Variants in SGCD observed in about 807,000 individuals in gnomAD.
SGCD encodes sarcoglycan delta.
SGCD carries 18 observed loss-of-function variants against 36.6 expected under a neutral mutation model. The ratio of observed to expected loss-of-function variants is 0.49; its 90% CI spans 0.34 to 0.73. The LOEUF (loss-of-function observed/expected upper bound fraction) is 0.73, where lower values mean the gene tolerates loss of function less well. SGCD is among the 30% of genes least tolerant of loss of function. The pLI, the probability that SGCD is intolerant of heterozygous loss-of-function variation, is 0.01. For missense variants in SGCD, 387 were observed against 346.7 expected, an observed-to-expected ratio of 1.12 and a Z score of -0.92; for synonymous variants, 133 against 130.6, an observed-to-expected ratio of 1.02 and a Z score of -0.12.
chr5:155,786,883 A>G, the SGCD span, among the ~76,000 whole-genome samples: 2 of 152,208 alleles, frequency 1.3e-5, no homozygotes, highest in African/African-American at 4.8e-5. Context: ...ATAGGCTTAA[A>G]GACAAAACCT....
chr5:155,832,824 G>A, the SGCD span, among the ~76,000 whole-genome samples: 2 of 151,976 alleles, frequency 1.3e-5, no homozygotes, highest in African/African-American at 4.8e-5. Context: ...TAATAAGTAA[G>A]TTTCATGGTA....
chr5:155,933,744 T>C (rs1467692908), intron 1 of SGCD, among the ~76,000 whole-genome samples: 1 of 152,228 alleles, frequency 6.6e-6, no homozygotes, highest in Admixed American at 6.5e-5. Context: ...TTTGTGAGGA[T>C]TAAAATGGCA....
intron 3 of SGCD, among the ~76,000 whole-genome samples, chr5:156,140,821 A>G (rs1291691256): frequency 6.6e-6 from 1 of 152,222 alleles, no homozygotes; most frequent in Non-Finnish European, 1.5e-5. Flanking sequence ...GAAGATTAGT[A>G]TGGATAGAAG....
At chr5:155,890,810 A>G (rs906030684) in intron 1 of SGCD, among the ~76,000 whole-genome samples, 31 of 152,178 alleles carry the variant, frequency 2.0e-4, no homozygotes, top group Middle Eastern at 3.4e-3. Context: ...ACCCCCACCT[A>G]CGTTTTCCCG....
the SGCD span, among the ~76,000 whole-genome samples, chr5:155,830,787 C>A: frequency 6.6e-6 from 1 of 152,194 alleles, no homozygotes; most frequent in East Asian, 1.9e-4. Context: ...ATAGAGATTT[C>A]TTCTGGGGGC....
the SGCD span, among the ~76,000 whole-genome samples, chr5:155,808,500 T>C: frequency 6.6e-6 from 1 of 152,238 alleles, no homozygotes; most frequent in African/African-American, 2.4e-5. Flanking sequence ...TCTTATGGGA[T>C]ACATAGTAAC....
intron 1 of SGCD, among the ~76,000 whole-genome samples, chr5:155,935,040 G>A (rs1757168312): frequency 6.6e-6 from 1 of 152,138 alleles, no homozygotes; most frequent in Admixed American, 6.5e-5. Context: ...GATGTCCTCA[G>A]CACATCATTT....
intron 6 of SGCD, among the ~76,000 whole-genome samples, chr5:156,610,837 A>G (rs57210770): frequency 0.053 from 8,032 of 152,308 alleles, 709 homozygotes; most frequent in African/African-American, 0.18. Context: ...AGGACCCTCC[A>G]GGCCAGGCGC....
chr5:156,004,258 G>A (rs1758715488), intron 1 of SGCD, among the ~76,000 whole-genome samples: 1 of 151,934 alleles, frequency 6.6e-6, no homozygotes, highest in African/African-American at 2.4e-5. Context: ...TGTTTGGGGG[G>A]GATAAGTATT....
At chr5:156,523,516 A>G (rs1201197141) in intron 4 of SGCD, among the ~76,000 whole-genome samples, 1 of 152,212 alleles carries the variant, frequency 6.6e-6, no homozygotes, top group Admixed American at 6.5e-5. Context: ...AAGTCAGCTT[A>G]TGACAGAAGT....
chr5:156,508,776 C>T (rs908734259), intron 4 of SGCD, 74 bp downstream of exon 4: 7 of 842,710 alleles, frequency 8.3e-6, no homozygotes, highest in African/African-American at 1.7e-5. Context: ...ATCTTGCTAT[C>T]AGCTGAGTAC....
intron 2 of SGCD, among the ~76,000 whole-genome samples, chr5:156,331,902 C>A (rs190041049): frequency 1.9e-4 from 29 of 152,314 alleles, no homozygotes; most frequent in African/African-American, 6.7e-4. Flanking sequence ...TCATTCCTAT[C>A]GTTACCTATG....
chr5:156,598,981 G>C (rs918215116), intron 6 of SGCD, among the ~76,000 whole-genome samples: 1 of 152,168 alleles, frequency 6.6e-6, no homozygotes, highest in Non-Finnish European at 1.5e-5. Context: ...AGGAACATTT[G>C]CTTTTTTATG....
intron 1 of SGCD, among the ~76,000 whole-genome samples, chr5:156,088,896 G>A (rs1338753712): frequency 1.3e-5 from 2 of 152,092 alleles, no homozygotes; most frequent in Non-Finnish European, 2.9e-5. Context: ...TTTCAGAGTG[G>A]TGGACCCATG....
chr5:156,185,154 C>T (rs1262767596), intron 3 of SGCD, among the ~76,000 whole-genome samples: 2 of 151,498 alleles, frequency 1.3e-5, no homozygotes, highest in Non-Finnish European at 2.9e-5. Context: ...TGGTGATGGT[C>T]AGGCAGTAAA....
intron 3 of SGCD, among the ~76,000 whole-genome samples, chr5:156,194,599 A>G (rs1763976538): frequency 6.6e-6 from 1 of 152,118 alleles, no homozygotes; most frequent in African/African-American, 2.4e-5. Flanking sequence ...TAACAGAATA[A>G]CAAAACCAAT....
the SGCD span, among the ~76,000 whole-genome samples, chr5:155,781,281 G>A: frequency 0.05 from 7,664 of 152,056 alleles, 609 homozygotes; most frequent in African/African-American, 0.17. Context: ...TGGGTCTCCC[G>A]ACTTCAGGTC....
At chr5:156,073,149 C>T (rs1760639419) in intron 1 of SGCD, among the ~76,000 whole-genome samples, 1 of 152,146 alleles carries the variant, frequency 6.6e-6, no homozygotes, top group Non-Finnish European at 1.5e-5. Context: ...TCCCTTCTTT[C>T]TAGTTTCATG....
At chr5:156,559,792 CTG>C (rs1759194917) in intron 4 of SGCD, among the ~76,000 whole-genome samples, 1 of 152,186 alleles carries the variant, frequency 6.6e-6, no homozygotes, top group African/African-American at 2.4e-5. Flanking sequence ...TGTTAGAAAA[CTG>C]TGCCTGCGTA....
Sources: allele counts gnomAD v4.1 joint callset (sites outside exome capture counted in the v4.1 genomes callset), GRCh38; gene constraint gnomAD v4.1.1; transcripts MANE v1.5; gene names NCBI Gene and HGNC (gene_info 2026-07-23, HGNC 2026-07-21).